Variants in GPAM observed in about 807,000 individuals in gnomAD.
The protein encoded by GPAM is glycerol-3-phosphate acyltransferase 1, mitochondrial.
Under a neutral mutation model 105.0 loss-of-function variants are expected in GPAM, and 56 were observed. That is an observed-to-expected ratio of 0.53 (90% CI 0.43 to 0.67). GPAM has a LOEUF of 0.67. Ranked by LOEUF, GPAM falls within the 30% of genes least tolerant of loss-of-function variation. GPAM has a pLI of 0.00. For missense variants in GPAM, 855 were observed against 989.8 expected (o/e 0.86, Z 1.83); for synonymous variants, 368 against 354.4 (o/e 1.04, Z -0.43).
At chr10:112,188,194 G>A (rs570824177), upstream of GPAM, among the ~76,000 whole-genome samples, 423 of 152,082 alleles carry the variant, frequency 2.8e-3, 2 homozygotes, top group African/African-American at 9.5e-3. Context: ...AGATATCAAC[G>A]AAAGCAGAAA....
intron 5 of GPAM, among the ~76,000 whole-genome samples, chr10:112,176,316 G>A (rs2133259658): frequency 6.6e-6 from 1 of 152,252 alleles, no homozygotes; most frequent in African/African-American, 2.4e-5. Flanking sequence ...ATACACCTGA[G>A]GGATAGAACA....
chr10:112,212,258 G>A (rs1316569574), intron 1 of GPAM, among the ~76,000 whole-genome samples: 3 of 152,080 alleles, frequency 2.0e-5, no homozygotes, highest in East Asian at 1.9e-4. Flanking sequence ...AAGTAATTCC[G>A]GTTTTCGCTG....
Position 112,160,718 on chromosome 10 carries a change from T to C in GPAM, c.1645A>G (p.Thr549Ala). ...ATAAAAAACTCATCGTTCCTGCTAG[T>C]GTGGGTGATTGTGACACAATTTCCC... ...LLGNCVTITH[T>A]SRNDEFFITP... Residue 549 changes from threonine (T) to alanine (A), a missense_variant, in exon 16 of 22, where the codon ACT (threonine) becomes GCT (alanine). Thr to Ala is a moderately conservative substitution (Grantham distance 58, BLOSUM62 0). Coordinates refer to ENST00000348367, the MANE Select transcript of GPAM (RefSeq NM_001244949.2). 1.2e-6 allele frequency: 2 copies of C among 1,614,082 alleles called. No individual in the cohort carries two copies. The highest frequency in any genetic ancestry group is 1.7e-6 in the Non-Finnish European group (2 of 1,179,952).
chr10:112,184,293 C>T (rs1235838849), upstream of GPAM, among the ~76,000 whole-genome samples: 4 of 152,024 alleles, frequency 2.6e-5, no homozygotes, highest in Admixed American at 1.3e-4. Context: ...TTTCCCCCTT[C>T]GGACTATATG....
chr10:112,152,265 A>T lies in GPAM; in HGVS notation c.*1285T>A. On this transcript the variant is annotated 3_prime_UTR_variant, in exon 22 of 22. Coordinates refer to ENST00000348367, the MANE Select transcript of GPAM (RefSeq NM_001244949.2). ...TTTAACATTACATGATATTTAAAAAATCACCATAATTACCATAATAAACCA... is the reference window on the plus strand; with the variant it reads ...TTTAACATTACATGATATTTAAAAATTCACCATAATTACCATAATAAACCA... 1.0e-6 allele frequency: 1 copy of T among 980,786 alleles called. No homozygotes were observed. The highest frequency in any genetic ancestry group is 1.2e-6 in the Non-Finnish European group (1 of 825,674). 60.8% of individuals were successfully genotyped at this position (980,786 alleles called of 1,614,324 possible).
rs995491773 is a variant in GPAM, at chr10:112,150,948, G to C, written c.*2602C>G. The C allele has an allele frequency of 2.0e-6, 2 of 984,514 alleles. No homozygotes were observed. Among genetic ancestry groups the C allele is most frequent in the Non-Finnish European group, 2.4e-6 (2 of 829,018 alleles). The allele number at this position is 984,514 out of a possible 1,614,324, so 61.0% of individuals were successfully genotyped here. On this transcript the variant is annotated 3_prime_UTR_variant, in exon 22 of 22. Coordinates refer to ENST00000348367, the MANE Select transcript of GPAM (RefSeq NM_001244949.2). ...TTGTGAAATTTAACAGATTCCAGAA[G>C]GAAGACTCGAAGCCATCTCAGTTAA...
intron 1 of GPAM, among the ~76,000 whole-genome samples, chr10:112,190,820 C>T (rs898036341): frequency 6.6e-6 from 1 of 152,084 alleles, no homozygotes; most frequent in Non-Finnish European, 1.5e-5. Flanking sequence ...AATATTCTTC[C>T]TTCTTTTAGA....
upstream of GPAM, among the ~76,000 whole-genome samples, chr10:112,188,421 G>A (rs973989496): frequency 6.6e-5 from 10 of 152,084 alleles, no homozygotes; most frequent in Non-Finnish European, 8.8e-5. Flanking sequence ...TGTTTTCAGG[G>A]TGGTGTACCA....
chr10:112,220,217 C>T (rs886401388), upstream of GPAM, among the ~76,000 whole-genome samples: 5 of 152,130 alleles, frequency 3.3e-5, no homozygotes, highest in Non-Finnish European at 7.4e-5. Flanking sequence ...ATCAGCAGCA[C>T]CCATTCCCTG....
chr10:112,216,952 G>A (rs1376590577), upstream of GPAM, among the ~76,000 whole-genome samples: 1 of 147,108 alleles, frequency 6.8e-6, no homozygotes, highest in Non-Finnish European at 1.5e-5. Flanking sequence ...GCAAAGGTGT[G>A]TATCTCCACT....
intron 2 of GPAM, 135 bp downstream of exon 2, chr10:112,182,659 T>G (rs1847529144): frequency 6.6e-6 from 1 of 152,262 alleles, no homozygotes; most frequent in African/African-American, 2.4e-5. Flanking sequence ...GGAAGGCATA[T>G]TCCAATTTCT....
chr10:112,190,605 G>T (rs1847645784), intron 1 of GPAM, among the ~76,000 whole-genome samples: 1 of 151,840 alleles, frequency 6.6e-6, no homozygotes, highest in Non-Finnish European at 1.5e-5. Context: ...ACTTCATTTT[G>T]ACTGAAACCT....
rs1294174167 is a variant in GPAM, at chr10:112,163,783, C to T, written c.1341G>A (p.Thr447=). The T allele has an allele frequency of 9.4e-6, 15 of 1,600,104 alleles. No homozygotes were observed. Among genetic ancestry groups the T allele is most frequent in the South Asian group, 3.3e-5 (3 of 90,814 alleles). ...PSDAADEGRD[T]SINESRNATD... Reference sequence around the variant, plus strand: ...TTGCATTTCTGGACTCATTAATGGACGTGTCTCTACCTTCATCAGCAGCAT... The same window carrying T: ...TTGCATTTCTGGACTCATTAATGGATGTGTCTCTACCTTCATCAGCAGCAT... The change falls in exon 14 of 22, where the codon ACG becomes ACA. Residue 447 remains threonine (T), a synonymous_variant. Transcript: ENST00000348367.
intron 17 of GPAM, 27 bp from the exon 18 acceptor site, chr10:112,158,420 A>C (rs990789019): frequency 1.5e-6 from 2 of 1,369,956 alleles, no homozygotes; most frequent in Admixed American, 3.3e-5. Flanking sequence ...TTTAAATATA[A>C]ATGCCACCAT....
In GPAM at chr10:112,160,126, C is replaced by T; in HGVS notation, c.1760-73G>A. 3 of 1,390,774 alleles carry T rather than the reference C, an allele frequency of 2.2e-6. No homozygotes were observed. In the South Asian group the frequency reaches 3.5e-5, roughly 16 times the overall value. 86.2% of individuals were successfully genotyped at this position (1,390,774 alleles called of 1,614,324 possible). ...GAAAAACTTCAACTGGCTTGAATAACCTTAAGAGATTATTAATACATCAAA... is the reference window on the plus strand; with the variant it reads ...GAAAAACTTCAACTGGCTTGAATAATCTTAAGAGATTATTAATACATCAAA... On this transcript the variant is annotated intron_variant, in intron 16 of 21. Transcript: ENST00000348367.
At chr10:112,202,062 C>G (rs1031338116) in intron 1 of GPAM, among the ~76,000 whole-genome samples, 3 of 152,184 alleles carry the variant, frequency 2.0e-5, no homozygotes, top group Non-Finnish European at 4.4e-5. Context: ...TAGCAAGGAA[C>G]CAAGACTTGA....
In GPAM at chr10:112,153,352, A is replaced by G; in HGVS notation, c.*198T>C. 6.7e-7 allele frequency: 1 copy of G among 1,498,944 alleles called. No homozygotes were observed. Among genetic ancestry groups the G allele is most frequent in the South Asian group, 1.3e-5 (1 of 76,422 alleles). The allele number at this position is 1,498,944 out of a possible 1,614,324, so 92.9% of individuals were successfully genotyped here. A position where few individuals can be genotyped will look rare whatever the true frequency, so the allele number is the denominator to read the frequency against. Reference sequence around the variant, plus strand: ...AGAGGCTGAGGTCCCCCCAAGTGTTATCTGCAGGCTGCTGTGTTGATGCAG... The same window carrying G: ...AGAGGCTGAGGTCCCCCCAAGTGTTGTCTGCAGGCTGCTGTGTTGATGCAG... On this transcript the variant is annotated 3_prime_UTR_variant, in exon 22 of 22. Coordinates refer to ENST00000348367, the MANE Select transcript of GPAM (RefSeq NM_001244949.2).
chr10:112,178,517 T>C (rs1847447689), intron 4 of GPAM, among the ~76,000 whole-genome samples: 1 of 152,134 alleles, frequency 6.6e-6, no homozygotes. Context: ...GCCATTGTAC[T>C]CCAGCCTGGG....
At position 112,214,046 on chromosome 10, in the gene GPAM, G is replaced by A. The variant is rs562544864; in HGVS notation, n.210+1122C>T. On this transcript the variant is annotated intron_variant and non_coding_transcript_variant, in intron 1 of 3. Coordinates refer to the GPAM transcript ENST00000480130. ...TCTGGATAATCTCAGGAAATCCCAC[G>A]GGACCCCTGCAGTGAAAGCTCCCTG... 3.3e-5 allele frequency among the ~76,000 whole-genome samples: 5 copies of A among 152,178 alleles called. No homozygotes were observed. The South Asian group carries it at 6.2e-4, about 19-fold the overall frequency.
Sources: allele counts gnomAD v4.1 joint callset (sites outside exome capture counted in the v4.1 genomes callset), GRCh38; gene constraint gnomAD v4.1.1; transcripts MANE v1.5; gene names NCBI Gene and HGNC (gene_info 2026-07-23, HGNC 2026-07-21).